GREB1L: variants seen among roughly 807,000 people sequenced by gnomAD.
GREB1L encodes the protein GREB1 like retinoic acid receptor coactivator.
A neutral mutation model predicts 200.8 loss-of-function variants in GREB1L; 17 were observed. The observed-to-expected ratio is 0.08, with a 90% CI of 0.06 to 0.13. The LOEUF (loss-of-function observed/expected upper bound fraction) is 0.13. Among genes scored for constraint, GREB1L ranks in the 10% least tolerant of loss-of-function variants. GREB1L has a pLI of 1.00. For synonymous variants in GREB1L, 789 were observed against 893.0 expected (o/e 0.88, Z 2.08); for missense variants, 1,657 against 2,367.7 (o/e 0.70, Z 6.23).
chr18:21,338,005 T>A (rs1177215415), intron 1 of GREB1L, among the ~76,000 whole-genome samples: 1 of 151,962 alleles, frequency 6.6e-6, no homozygotes, highest in East Asian at 1.9e-4. Flanking sequence ...AGAAAAAAAA[T>A]TCTTTTTTTC....
At chr18:21,248,878 A>T (rs1221438840) in intron 1 of GREB1L, among the ~76,000 whole-genome samples, 1 of 152,194 alleles carries the variant, frequency 6.6e-6, no homozygotes, top group Non-Finnish European at 1.5e-5. Flanking sequence ...TAGATATAGA[A>T]CATTTCCATC....
intron 15 of GREB1L, 114 bp downstream of exon 15, chr18:21,454,677 T>TA (rs1188580026): frequency 1.3e-6 from 1 of 798,588 alleles, no homozygotes; most frequent in Admixed American, 2.2e-5. Context: ...TCTTCAGTAA[T>TA]AAAAATCATA....
chr18:21,468,715 T>C, intron 15 of GREB1L: 1 of 456,682 alleles, frequency 2.2e-6, no homozygotes, highest in Non-Finnish European at 4.4e-6. Context: ...ATGTCGTTTT[T>C]CCTGTTCCAG....
chr18:21,311,124 T>C lies in GREB1L; in HGVS notation c.-119-54903T>C, dbSNP rs62089235. Among the ~76,000 whole-genome samples, 1,351 of 152,298 alleles carry C rather than the reference T, an allele frequency of 8.9e-3. 12 individuals carry two copies. Among genetic ancestry groups the C allele is most frequent in the Admixed American group, 0.022 (330 of 15,306 alleles). On this transcript the variant is annotated intron_variant, in intron 1 of 32. Transcript: ENST00000424526. ...ACACTTGGTGAGGGACAGAGGACAA[T>C]AGTTGATTTTCCAGGCAAGGACTAA...
At chr18:21,355,268 A>G (rs554614774) in intron 1 of GREB1L, among the ~76,000 whole-genome samples, 1 of 149,446 alleles carries the variant, frequency 6.7e-6, no homozygotes, top group African/African-American at 2.5e-5. Context: ...ATCTCGGCTC[A>G]CTGTAACCTC....
intron 1 of GREB1L, among the ~76,000 whole-genome samples, chr18:21,310,906 G>A (rs1368140901): frequency 3.9e-5 from 6 of 152,248 alleles, no homozygotes; most frequent in South Asian, 4.2e-4. Flanking sequence ...CTTGCACAAC[G>A]CACACCTCCT....
At chr18:21,451,267 T>C in intron 13 of GREB1L, 116 bp downstream of exon 13, 1 of 1,125,132 alleles carries the variant, frequency 8.9e-7, no homozygotes. Flanking sequence ...TGATCTTTCA[T>C]TTGAAATGGT....
chr18:21,474,783 C>T (rs1358926685), intron 16 of GREB1L, among the ~76,000 whole-genome samples: 1 of 152,184 alleles, frequency 6.6e-6, no homozygotes, highest in Non-Finnish European at 1.5e-5. Flanking sequence ...ATGAAGACCT[C>T]TGACATGCCC....
chr18:21,468,681 A>G (rs1240190879), intron 15 of GREB1L: 1 of 456,516 alleles, frequency 2.2e-6, no homozygotes, highest in East Asian at 6.9e-5. Context: ...CTGTTAACGA[A>G]AGATCTCACC....
intron 4 of GREB1L, among the ~76,000 whole-genome samples, chr18:21,385,446 A>C (rs1428820644): frequency 8.0e-6 from 1 of 125,264 alleles, no homozygotes; most frequent in Non-Finnish European, 1.5e-5. Flanking sequence ...AGGAAACCTG[A>C]ATAATTCTGG....
chr18:21,415,925 A>C (rs2031586770), intron 7 of GREB1L, among the ~76,000 whole-genome samples: 1 of 152,248 alleles, frequency 6.6e-6, no homozygotes, highest in Admixed American at 6.5e-5. Flanking sequence ...ACCCAACTAG[A>C]TAAAATCGAC....
intron 1 of GREB1L, among the ~76,000 whole-genome samples, chr18:21,322,686 A>C (rs1484599816): frequency 1.3e-5 from 2 of 152,174 alleles, no homozygotes. Flanking sequence ...GCTATGATAA[A>C]TATAACAGTG....
At chr18:21,268,560 C>CACATATATATATAT (rs1204514384) in intron 1 of GREB1L, among the ~76,000 whole-genome samples, 15 of 63,532 alleles carry the variant, frequency 2.4e-4, no homozygotes, top group African/African-American at 7.5e-4. Context: ...CACACACACA[C>CACATATATATATAT]ATATATATAT....
intron 14 of GREB1L, among the ~76,000 whole-genome samples, chr18:21,453,348 T>A (rs2034613989): frequency 6.6e-6 from 1 of 152,238 alleles, no homozygotes; most frequent in Non-Finnish European, 1.5e-5. Context: ...GCTGTCAGTA[T>A]CCATGGTAAC....
At chr18:21,521,272 G>GA (rs2037590940) in intron 32 of GREB1L, among the ~76,000 whole-genome samples, 1 of 151,964 alleles carries the variant, frequency 6.6e-6, no homozygotes, top group Non-Finnish European at 1.5e-5. Context: ...TCGGGAGGCT[G>GA]AGGCGGGAGA....
At chr18:21,363,299 CCA>C (rs1555631605) in intron 1 of GREB1L, among the ~76,000 whole-genome samples, 11 of 105,576 alleles carry the variant, frequency 1.0e-4, no homozygotes, top group African/African-American at 4.4e-4. Flanking sequence ...CCCCCCCCCC[CCA>C]CACACACAAG....
intron 1 of GREB1L, among the ~76,000 whole-genome samples, chr18:21,266,036 T>C (rs531028926): frequency 9.9e-5 from 15 of 152,198 alleles, no homozygotes; most frequent in Non-Finnish European, 2.1e-4. Context: ...GGCCCTTGTT[T>C]TAATTTCTGT....
intron 7 of GREB1L, among the ~76,000 whole-genome samples, chr18:21,416,532 T>G (rs1044230778): frequency 4.0e-5 from 6 of 151,296 alleles, no homozygotes; most frequent in African/African-American, 1.5e-4. Flanking sequence ...CCCTCCTAAA[T>G]ATACAAAAAA....
At chr18:21,517,985 A>T in intron 30 of GREB1L, 49 bp from the exon 31 acceptor site, 1 of 1,407,596 alleles carries the variant, frequency 7.1e-7, no homozygotes, top group Non-Finnish European at 9.8e-7. Flanking sequence ...TCACCTGTTT[A>T]ATCCAGTGAC....
Sources: gnomAD v4.1 joint callset for allele counts (sites outside exome capture counted in the v4.1 genomes callset) on GRCh38, gnomAD v4.1.1 for gene constraint, MANE v1.5 for transcripts, NCBI Gene and HGNC (gene_info 2026-07-23, HGNC 2026-07-21) for gene names.